The following ANKRD36C variants were observed in gnomAD, a reference collection of about 807,000 sequenced individuals.
The protein encoded by ANKRD36C is ankyrin repeat domain 36C.
ANKRD36C carries 61 observed loss-of-function variants against 276.4 expected under a neutral mutation model. The ratio of observed to expected loss-of-function variants is 0.22; its 90% CI spans 0.18 to 0.27. ANKRD36C has a LOEUF of 0.27. ANKRD36C is among the 10% of genes least tolerant of loss of function. ANKRD36C has a pLI of 1.00. For synonymous variants in ANKRD36C, 483 were observed against 680.1 expected (o/e 0.71, Z 4.51); for missense variants, 1,447 against 2,032.3 (o/e 0.71, Z 5.54).
chr2:95,968,508 T>A (rs1044841879), intron 6 of ANKRD36C, among the ~76,000 whole-genome samples: 14 of 152,112 alleles, frequency 9.2e-5, no homozygotes, highest in African/African-American at 3.4e-4. Flanking sequence ...AGAACAGCAG[T>A]CCCCCTTATC....
chr2:95,962,204 G>A (rs1678478053), intron 8 of ANKRD36C, 148 bp downstream of exon 8: 8 of 962,282 alleles, frequency 8.3e-6, no homozygotes, highest in South Asian at 5.1e-5. Flanking sequence ...TAGCATCGGC[G>A]TCACCCAAGA....
chr2:95,926,970 C>G (rs1246419526), intron 28 of ANKRD36C, among the ~76,000 whole-genome samples: 1 of 151,568 alleles, frequency 6.6e-6, no homozygotes, highest in Admixed American at 6.6e-5. Flanking sequence ...CCCCTGACTC[C>G]TTTTGTCTTT....
chr2:95,922,141 A>T (rs1396589016), intron 32 of ANKRD36C, among the ~76,000 whole-genome samples: 1 of 151,656 alleles, frequency 6.6e-6, no homozygotes, highest in African/African-American at 2.4e-5. Context: ...CACCTGGGAA[A>T]ATCTCAAAGC....
At chr2:95,958,528 G>A (rs554284909) in intron 12 of ANKRD36C, 63 bp downstream of exon 12, 70 of 1,530,906 alleles carry the variant, frequency 4.6e-5, no homozygotes, top group South Asian at 2.4e-4. Flanking sequence ...TGATTTATTC[G>A]GGGAAGGGAA....
intron 42 of ANKRD36C, chr2:95,908,571 T>C: frequency 1.3e-6 from 2 of 1,558,364 alleles, no homozygotes; most frequent in Non-Finnish European, 1.7e-6. Flanking sequence ...TCATCTCTTG[T>C]AGCCTGAATG....
intron 59 of ANKRD36C, among the ~76,000 whole-genome samples, chr2:95,871,447 T>G (rs1328852411): frequency 6.6e-6 from 1 of 151,684 alleles, no homozygotes; most frequent in Non-Finnish European, 1.5e-5. Flanking sequence ...AATAAAATAC[T>G]TTACAGACAA....
At chr2:95,879,057 T>C (rs567054451) in intron 58 of ANKRD36C, among the ~76,000 whole-genome samples, 58 of 152,252 alleles carry the variant, frequency 3.8e-4, no homozygotes, top group Non-Finnish European at 6.3e-4. Flanking sequence ...TTGGAATCAA[T>C]CTAAATGTAT....
chr2:95,919,443 C>T lies in ANKRD36C; in HGVS notation c.2246-1401G>A, dbSNP rs577960515. Among the ~76,000 whole-genome samples, 48 of 133,594 alleles carry T rather than the reference C, an allele frequency of 3.6e-4. 1 individual carries two copies. Among genetic ancestry groups the T allele is most frequent in the African/African-American group, 1.2e-3 (47 of 39,436 alleles). 87.6% of individuals were successfully genotyped at this position (133,594 alleles called of 152,430 possible). On this transcript the variant is annotated intron_variant, in intron 34 of 66. Coordinates refer to ENST00000456556, the Ensembl canonical transcript of ANKRD36C. ...GTGAAACCATGCTGTAGAATTAATGCAAAACTATGCTGTTCCCCAGAACCC... is the reference window on the plus strand; with the variant it reads ...GTGAAACCATGCTGTAGAATTAATGTAAAACTATGCTGTTCCCCAGAACCC...
intron 13 of ANKRD36C, among the ~76,000 whole-genome samples, chr2:95,955,782 C>T (rs1396536282): frequency 6.6e-6 from 1 of 152,144 alleles, no homozygotes; most frequent in Admixed American, 6.6e-5. Flanking sequence ...GGTTCTCCAC[C>T]TGAACAACCA....
chr2:95,889,420 C>T (rs946281381), intron 48 of ANKRD36C, among the ~76,000 whole-genome samples: 2 of 151,532 alleles, frequency 1.3e-5, no homozygotes, highest in African/African-American at 4.8e-5. Flanking sequence ...ATTAGGATCA[C>T]TTTTCCCTCT....
intron 5 of ANKRD36C, among the ~76,000 whole-genome samples, chr2:95,979,320 C>T (rs1678871058): frequency 6.6e-6 from 1 of 151,918 alleles, no homozygotes; most frequent in South Asian, 2.1e-4. Context: ...TAATTTTCTC[C>T]ATATTGTTCC....
intron 6 of ANKRD36C, among the ~76,000 whole-genome samples, chr2:95,969,795 T>C (rs1474569884): frequency 6.6e-6 from 1 of 152,156 alleles, no homozygotes; most frequent in African/African-American, 2.4e-5. Flanking sequence ...GTACATGATA[T>C]TTTGTGAGCT....
intron 6 of ANKRD36C, among the ~76,000 whole-genome samples, chr2:95,974,313 A>T (rs1201279773): frequency 6.6e-6 from 1 of 152,152 alleles, no homozygotes; most frequent in African/African-American, 2.4e-5. Flanking sequence ...CATCACTTAC[A>T]CTGTCACTGT....
intron 56 of ANKRD36C, among the ~76,000 whole-genome samples, chr2:95,881,143 T>C (rs1676069394): frequency 6.6e-6 from 1 of 152,142 alleles, no homozygotes; most frequent in Non-Finnish European, 1.5e-5. Flanking sequence ...GTGTCCTGAA[T>C]TGATCTGCTT....
exon 60 of ANKRD36C, chr2:95,867,573 G>T (rs925809383): frequency 5.4e-5 from 76 of 1,395,116 alleles, no homozygotes; most frequent in Non-Finnish European, 6.8e-5. Context: ...AATGTATTTG[G>T]TTTTTCACCT....
At chr2:95,969,555 A>G (rs1169346759) in intron 6 of ANKRD36C, among the ~76,000 whole-genome samples, 2 of 152,170 alleles carry the variant, frequency 1.3e-5, no homozygotes, top group Non-Finnish European at 2.9e-5. Flanking sequence ...ATTATATATG[A>G]TATCTACTCA....
At chr2:95,866,757 G>T (rs1337777444) in intron 60 of ANKRD36C, among the ~76,000 whole-genome samples, 1 of 152,084 alleles carries the variant, frequency 6.6e-6, no homozygotes, top group Non-Finnish European at 1.5e-5. Context: ...ATGAGGAGAC[G>T]TTAGTGGGTG....
intron 13 of ANKRD36C, among the ~76,000 whole-genome samples, chr2:95,956,541 G>A (rs200802818): frequency 3.9e-3 from 471 of 120,538 alleles, no homozygotes; most frequent in South Asian, 7.4e-3. Flanking sequence ...TCATGGGTTG[G>A]CTACCTGTTA....
At chr2:95,966,517 T>A (rs1678594578) in intron 6 of ANKRD36C, among the ~76,000 whole-genome samples, 1 of 152,142 alleles carries the variant, frequency 6.6e-6, no homozygotes, top group African/African-American at 2.4e-5. Flanking sequence ...GTTCCATTGG[T>A]CTATATATCT....
Sources: allele counts gnomAD v4.1 joint callset (sites outside exome capture counted in the v4.1 genomes callset), GRCh38; gene constraint gnomAD v4.1.1; transcripts MANE v1.5; gene names NCBI Gene and HGNC (gene_info 2026-07-23, HGNC 2026-07-21).